The following CDKAL1 variants were observed in gnomAD, a reference collection of about 807,000 sequenced individuals.
CDKAL1 encodes threonylcarbamoyladenosine tRNA methylthiotransferase.
Under a neutral mutation model 68.2 loss-of-function variants are expected in CDKAL1, and 32 were observed. The observed-to-expected ratio is 0.47, with a 90% CI of 0.35 to 0.63. CDKAL1 has a LOEUF of 0.63. Among genes scored for constraint, CDKAL1 ranks in the 30% least tolerant of loss-of-function variants. CDKAL1 has a pLI of 0.00. For missense variants in CDKAL1, 606 were observed against 696.7 expected (o/e 0.87, Z 1.47); for synonymous variants, 234 against 244.3 (o/e 0.96, Z 0.39).
At chr6:20,926,931 A>G (rs1763216201) in intron 9 of CDKAL1, among the ~76,000 whole-genome samples, 1 of 148,366 alleles carries the variant, frequency 6.7e-6, no homozygotes, top group African/African-American at 2.5e-5. Context: ...ATTTTTATAT[A>G]TATATATAGA....
chr6:20,994,341 C>T (rs1383366375), intron 10 of CDKAL1, among the ~76,000 whole-genome samples: 3 of 152,026 alleles, frequency 2.0e-5, no homozygotes, highest in Non-Finnish European at 2.9e-5. Flanking sequence ...TAGCCAGGTA[C>T]GGTGGCAGGC....
intron 9 of CDKAL1, among the ~76,000 whole-genome samples, chr6:20,949,094 A>T (rs1764400732): frequency 6.6e-6 from 1 of 152,090 alleles, no homozygotes; most frequent in Admixed American, 6.5e-5. Flanking sequence ...CTCTTTGTTA[A>T]CTCTCATTAT....
chr6:20,908,566 T>G (rs1012758090), intron 9 of CDKAL1, among the ~76,000 whole-genome samples: 2 of 152,188 alleles, frequency 1.3e-5, no homozygotes, highest in African/African-American at 4.8e-5. Flanking sequence ...AAATATTTAG[T>G]TTTTTTATCT....
intron 11 of CDKAL1, among the ~76,000 whole-genome samples, chr6:21,026,491 C>T (rs1417226879): frequency 1.3e-5 from 2 of 152,138 alleles, no homozygotes; most frequent in Non-Finnish European, 2.9e-5. Flanking sequence ...TTCACCTTTG[C>T]TCTAAAATTT....
chr6:20,772,732 A>G (rs1315024840), intron 7 of CDKAL1: 1 of 152,210 alleles, frequency 6.6e-6, no homozygotes, highest in Non-Finnish European at 1.5e-5. Context: ...CATAAATTTT[A>G]CATTATTAAG....
chr6:21,119,209 A>G (rs1213806470), intron 13 of CDKAL1, among the ~76,000 whole-genome samples: 4 of 152,140 alleles, frequency 2.6e-5, no homozygotes, highest in African/African-American at 7.2e-5. Flanking sequence ...AGTATGAATC[A>G]ATGAAATTTG....
intron 9 of CDKAL1, among the ~76,000 whole-genome samples, chr6:20,854,251 TTTTG>T (rs1358365558): frequency 6.6e-6 from 1 of 152,144 alleles, no homozygotes; most frequent in Admixed American, 6.5e-5. Flanking sequence ...CTCACTAAGT[TTTTG>T]TTAGCCACTG....
chr6:21,130,930 C>G (rs1164233553), intron 13 of CDKAL1, among the ~76,000 whole-genome samples: 2 of 152,204 alleles, frequency 1.3e-5, no homozygotes, highest in African/African-American at 2.4e-5. Flanking sequence ...ATTCCTCTTT[C>G]ATCAGCAATA....
intron 15 of CDKAL1, among the ~76,000 whole-genome samples, chr6:21,225,865 C>A (rs1227066334): frequency 6.6e-6 from 1 of 152,164 alleles, no homozygotes; most frequent in Non-Finnish European, 1.5e-5. Context: ...TTCATTAGAA[C>A]CACAGAATAC....
intron 11 of CDKAL1, among the ~76,000 whole-genome samples, chr6:21,027,613 C>CA (rs372303290): frequency 6.6e-6 from 1 of 152,318 alleles, no homozygotes; most frequent in African/African-American, 2.4e-5. Context: ...CATGGGAGCT[C>CA]AGCTCCCTTT....
chr6:20,646,357 C>A (rs1768460426), intron 4 of CDKAL1, among the ~76,000 whole-genome samples: 1 of 150,186 alleles, frequency 6.7e-6, no homozygotes, highest in Non-Finnish European at 1.5e-5. Flanking sequence ...ACCTGGCCAA[C>A]TTTTTTCTTT....
At chr6:20,600,799 CAT>C (rs904453075) in intron 4 of CDKAL1, among the ~76,000 whole-genome samples, 191 of 79,992 alleles carry the variant, frequency 2.4e-3, no homozygotes, top group African/African-American at 5.8e-3. Context: ...CACACACACA[CAT>C]GAATGATAAA....
At chr6:20,692,473 T>C (rs1770913869) in intron 5 of CDKAL1, among the ~76,000 whole-genome samples, 1 of 152,200 alleles carries the variant, frequency 6.6e-6, no homozygotes, top group South Asian at 2.1e-4. Context: ...CAATAATGTT[T>C]AAAACCATTC....
intron 8 of CDKAL1, among the ~76,000 whole-genome samples, chr6:20,841,416 A>C (rs765672962): frequency 1.4e-4 from 22 of 152,200 alleles, no homozygotes; most frequent in African/African-American, 3.4e-4. Flanking sequence ...AGAACTTGTA[A>C]TATCTAAAGA....
chr6:20,705,878 T>TCA (rs372383661), intron 5 of CDKAL1, among the ~76,000 whole-genome samples: 10 of 152,352 alleles, frequency 6.6e-5, no homozygotes, highest in African/African-American at 2.4e-4. Context: ...GCTACCTGTG[T>TCA]CACTTGTCCT....
At chr6:20,740,321 C>CT (rs1046547984) in intron 6 of CDKAL1, among the ~76,000 whole-genome samples, 3 of 152,046 alleles carry the variant, frequency 2.0e-5, no homozygotes, top group East Asian at 1.9e-4. Context: ...TGTTAGCATA[C>CT]TTTTTTTTGG....
intron 12 of CDKAL1, among the ~76,000 whole-genome samples, chr6:21,077,782 C>T (rs1483937273): frequency 6.6e-6 from 1 of 152,182 alleles, no homozygotes; most frequent in East Asian, 1.9e-4. Context: ...TGGGTGGGGA[C>T]ACAGAGCCAA....
intron 5 of CDKAL1, among the ~76,000 whole-genome samples, chr6:20,653,702 A>G (rs1238151055): frequency 4.9e-5 from 7 of 142,702 alleles, no homozygotes; most frequent in Non-Finnish European, 1.1e-4. Context: ...ACAACCTCCA[A>G]CTCCCGGGTT....
chr6:20,714,142 AT>A (rs1164690422), intron 5 of CDKAL1, among the ~76,000 whole-genome samples: 1 of 151,938 alleles, frequency 6.6e-6, no homozygotes, highest in Non-Finnish European at 1.5e-5. Context: ...TGAAGGGCAA[AT>A]TACCACCAGC....
Sources: gnomAD v4.1 joint callset for allele counts (sites outside exome capture counted in the v4.1 genomes callset) on GRCh38, gnomAD v4.1.1 for gene constraint, MANE v1.5 for transcripts, NCBI Gene and HGNC (gene_info 2026-07-23, HGNC 2026-07-21) for gene names.